Variants in GPR108 observed in about 807,000 individuals in gnomAD.
GPR108 encodes the protein G protein-coupled receptor 108.
GPR108 carries 60 observed loss-of-function variants against 74.3 expected under a neutral mutation model. The ratio of observed to expected loss-of-function variants is 0.81; its 90% CI spans 0.66 to 1.00. The LOEUF (loss-of-function observed/expected upper bound fraction) is 1.00, where lower values mean the gene tolerates loss of function less well. Ranked by LOEUF, GPR108 falls within the 50% of genes least tolerant of loss-of-function variation. The pLI, the probability that GPR108 is intolerant of heterozygous loss-of-function variation, is 0.00. For synonymous variants in GPR108, 311 were observed against 292.4 expected (o/e 1.06, Z -0.65); for missense variants, 667 against 703.3 (o/e 0.95, Z 0.58).
chr19:6,733,352 G>C, intron 8 of GPR108, 51 bp from the exon 9 acceptor site: 1 of 1,574,564 alleles, frequency 6.4e-7, no homozygotes, highest in East Asian at 2.3e-5. Flanking sequence ...CCGACCGCTG[G>C]CCTGGGAGAG....
intron 10 of GPR108, 22 bp from the exon 11 acceptor site, chr19:6,732,571 G>T (rs1376157301): frequency 1.9e-6 from 3 of 1,594,622 alleles, no homozygotes; most frequent in Non-Finnish European, 2.6e-6. Flanking sequence ...TGGACAGACG[G>T]ACAGTGAGGC....
chr19:6,733,333 G>C, intron 8 of GPR108, 32 bp from the exon 9 acceptor site: 1 of 1,603,838 alleles, frequency 6.2e-7, no homozygotes, highest in South Asian at 1.1e-5. Flanking sequence ...GCGGCGGCAG[G>C]GGCACAGCCC....
intron 1 of GPR108, chr19:6,737,054 T>C: frequency 2.6e-6 from 1 of 385,966 alleles, no homozygotes; most frequent in Non-Finnish European, 4.8e-6. Context: ...CCCAGCAATA[T>C]TTCAACAGAA....
intron 1 of GPR108, chr19:6,737,094 AC>A: frequency 2.6e-6 from 1 of 381,604 alleles, no homozygotes; most frequent in Non-Finnish European, 4.8e-6. Flanking sequence ...TGCCCAGAGG[AC>A]CCCACTCTAT....
At chr19:6,731,166 C>T (rs752497153) in intron 16 of GPR108, 33 bp downstream of exon 16, 50 of 1,606,838 alleles carry the variant, frequency 3.1e-5, no homozygotes, top group Non-Finnish European at 3.5e-5. Flanking sequence ...CCACCGTGGC[C>T]GCCCTCCCGT....
At chr19:6,734,147 C>G in intron 5 of GPR108, 36 bp downstream of exon 5, 3 of 1,614,104 alleles carry the variant, frequency 1.9e-6, no homozygotes, top group Non-Finnish European at 2.5e-6. Flanking sequence ...GCAGACCTGC[C>G]CATCCACCCC....
Position 6,736,604 on chromosome 19 carries a change from C to T in GPR108, c.228G>A (p.Glu76=), listed in dbSNP as rs1037456090. 6.2e-7 allele frequency: 1 copy of T among 1,613,834 alleles called. No individual in the cohort carries two copies. The highest frequency in any genetic ancestry group is 8.5e-7 in the Non-Finnish European group (1 of 1,179,940). ...VLRLGLREAE[E]KSLLVGFSLS... ...CAAGGTCCCTCACCAGCAGGGACTT[C>T]TCTTCTGCCTCCCGGAGGCCCAGCC... Residue 76 remains glutamate, a synonymous_variant, in exon 2 of 18, where the codon GAG becomes GAA. Transcript: ENST00000264080.
At chr19:6,736,415 GA>G (rs1023577249) in intron 2 of GPR108, among the ~76,000 whole-genome samples, 176 bp downstream of exon 2, 6 of 152,116 alleles carry the variant, frequency 3.9e-5, no homozygotes, top group Non-Finnish European at 1.5e-5. Context: ...CAAGTCTTAA[GA>G]AAAGTGCCTA....
chr19:6,735,776 C>T, intron 3 of GPR108, 72 bp from the exon 4 acceptor site: 1 of 1,554,860 alleles, frequency 6.4e-7, no homozygotes, highest in Non-Finnish European at 8.8e-7. Context: ...GTCTCCCTCC[C>T]TGTCCACCCA....
rs368266462 is a variant in GPR108, at chr19:6,732,998, G to C, written c.922C>G (p.Leu308Val). Residue 308 changes from leucine (L) to valine (V), a missense_variant, in exon 10 of 18, where the codon CTC becomes GTC. Coordinates refer to ENST00000264080, the MANE Select transcript of GPR108 (RefSeq NM_001080452.2). ...ALAFTKSISL[L>V]FHSINYYFIN... is the part of the protein sequence containing the mutation. Reference sequence around the variant, plus strand: ...TCCAAGGCTCTCACGCTGTGGAAGAGGAGAGAGATGCTCTTGGTGAAGGCC... The same window carrying C: ...TCCAAGGCTCTCACGCTGTGGAAGACGAGAGAGATGCTCTTGGTGAAGGCC... The C allele has an allele frequency of 5.6e-6, 9 of 1,601,944 alleles. No homozygotes were observed. The highest frequency in any genetic ancestry group is 6.8e-6 in the Non-Finnish European group (8 of 1,174,574).
In GPR108 at chr19:6,735,695, A is replaced by T; in HGVS notation, c.301T>A (p.Phe101Ile). Residue 101 changes from phenylalanine (F) to isoleucine (I), a missense_variant, in exon 4 of 18, where the codon TTC (phenylalanine) becomes ATC (isoleucine). Physicochemically the swap from Phe to Ile is conservative, Grantham distance 21. Coordinates refer to ENST00000264080, the MANE Select transcript of GPR108 (RefSeq NM_001080452.2). Reference sequence around the variant, plus strand: ...TTTTTCTGGAGAGGGCAGTCCTGGAAATCCCGGGTCTGGGGGGTGGGCAGG... The same window carrying T: ...TTTTTCTGGAGAGGGCAGTCCTGGATATCCCGGGTCTGGGGGGTGGGCAGG... ...GRVRSYSTRDFQDCPLQKNSS... is the reference protein window; with the variant it reads ...GRVRSYSTRDIQDCPLQKNSS... 6.2e-7 allele frequency: 1 copy of T among 1,614,008 alleles called. No individual in the cohort carries two copies. The highest frequency in any genetic ancestry group is 8.5e-7 in the Non-Finnish European group (1 of 1,179,982).
At chr19:6,736,378 C>T (rs956969268) in intron 2 of GPR108, among the ~76,000 whole-genome samples, 31 of 152,298 alleles carry the variant, frequency 2.0e-4, no homozygotes, top group African/African-American at 7.2e-4. Context: ...ACTACAAAGC[C>T]TGAGCCACCG....
At chr19:6,730,920 C>CCCG in intron 17 of GPR108, 67 bp downstream of exon 17, 1 of 1,451,962 alleles carries the variant, frequency 6.9e-7, no homozygotes, top group East Asian at 2.4e-5. Context: ...CCCACCCTGC[C>CCCG]CGTAGAGCTG....
At chr19:6,735,881 C>T (rs1409689111) in intron 3 of GPR108, 27 bp downstream of exon 3, 1 of 1,607,868 alleles carries the variant, frequency 6.2e-7, no homozygotes, top group South Asian at 1.1e-5. Flanking sequence ...AGCCCCTTCT[C>T]CCGTCTTCCC....
In GPR108 at chr19:6,732,289, C is replaced by T. The variant is rs1312588544; in HGVS notation, c.1099G>A (p.Val367Ile). The T allele has an allele frequency of 6.8e-6, 11 of 1,612,782 alleles. No homozygotes were observed. Among genetic ancestry groups the T allele is most frequent in the Non-Finnish European group, 7.6e-6 (9 of 1,180,040 alleles). The change falls in exon 12 of 18, where the codon GTC becomes ATC. Residue 367 changes from valine to isoleucine, a missense_variant. Coordinates refer to ENST00000264080, the MANE Select transcript of GPR108 (RefSeq NM_001080452.2). ...KYVLSDKEKK[V>I]FGIVIPMQVL... ...TGCATGGGGATCACGATCCCAAAGACCTTCTTCTCCTTATCCGACAGGACG... is the reference window on the plus strand; with the variant it reads ...TGCATGGGGATCACGATCCCAAAGATCTTCTTCTCCTTATCCGACAGGACG...
chr19:6,733,996 C>G lies in GPR108; in HGVS notation c.549+9G>C. On this transcript the variant is annotated intron_variant, in intron 6 of 17. Coordinates refer to ENST00000264080, the MANE Select transcript of GPR108 (RefSeq NM_001080452.2). ...GTGCATCTTCCCTCCTGCCCCGCCTCCCCGAAACCTGAATCACTGCGGGTG... is the reference window on the plus strand; with the variant it reads ...GTGCATCTTCCCTCCTGCCCCGCCTGCCCGAAACCTGAATCACTGCGGGTG... The G allele has an allele frequency of 1.2e-6, 2 of 1,614,180 alleles. No individual in the cohort carries two copies. Among genetic ancestry groups the G allele is most frequent in the Non-Finnish European group, 1.7e-6 (2 of 1,180,024 alleles).
rs770473594 is a variant in GPR108, at chr19:6,735,859, C to T, written c.291+49G>A. 6 of 1,582,506 alleles carry T rather than the reference C, an allele frequency of 3.8e-6. No individual in the cohort carries two copies. The South Asian group carries it at 6.8e-5, about 18-fold the overall frequency. The stretch of plus-strand genomic sequence containing the variant: ...TTACAGATGCAGAGGACAGACCCTA[C>T]CCCCTCCCTCCAGCCCCTTCTCCCG... On this transcript the variant is annotated intron_variant, in intron 3 of 17. Coordinates refer to ENST00000264080, the MANE Select transcript of GPR108 (RefSeq NM_001080452.2).
In GPR108 at chr19:6,735,869, C is replaced by T. The variant is rs1189028857; in HGVS notation, c.291+39G>A. The stretch of plus-strand genomic sequence containing the variant: ...AGAGGACAGACCCTACCCCCTCCCT[C>T]CAGCCCCTTCTCCCGTCTTCCCCAT... On this transcript the variant is annotated intron_variant, in intron 3 of 17. Transcript: ENST00000264080. The T allele has an allele frequency of 1.9e-6, 3 of 1,599,966 alleles. No homozygotes were observed. The East Asian group carries it at 6.7e-5, about 36-fold the overall frequency.
At chr19:6,732,926 G>C in intron 10 of GPR108, 61 bp downstream of exon 10, 1 of 1,449,058 alleles carries the variant, frequency 6.9e-7, no homozygotes, top group South Asian at 1.2e-5. Flanking sequence ...AGAGATTTGG[G>C]GGATGGCCCG....
Sources: gnomAD v4.1 joint callset for allele counts (sites outside exome capture counted in the v4.1 genomes callset) on GRCh38, gnomAD v4.1.1 for gene constraint, MANE v1.5 for transcripts, NCBI Gene and HGNC (gene_info 2026-07-23, HGNC 2026-07-21) for gene names.